The following MAN1A2 variants were observed in gnomAD, a reference collection of about 807,000 sequenced individuals.
MAN1A2 encodes mannosidase alpha class 1A member 2.
A neutral mutation model predicts 75.7 loss-of-function variants in MAN1A2; 26 were observed. The ratio of observed to expected loss-of-function variants is 0.34; its 90% CI spans 0.25 to 0.48. The LOEUF (loss-of-function observed/expected upper bound fraction) is 0.48. Among genes scored for constraint, MAN1A2 ranks in the 20% least tolerant of loss-of-function variants. The pLI is 0.99. For missense variants in MAN1A2, 562 were observed against 775.5 expected, an observed-to-expected ratio of 0.72 and a Z score of 3.27; for synonymous variants, 247 against 264.6, an observed-to-expected ratio of 0.93 and a Z score of 0.65.
At chr1:117,421,114 C>T (rs988321361) in intron 5 of MAN1A2, among the ~76,000 whole-genome samples, 1 of 151,992 alleles carries the variant, frequency 6.6e-6, no homozygotes, top group African/African-American at 2.4e-5. Context: ...AATCTTGGTA[C>T]AGAACACATG....
At position 117,440,805 on chromosome 1, in the gene MAN1A2, TAGTATTAA is replaced by T. The variant is rs1649006340; in HGVS notation, c.856-1425_856-1418del. On this transcript the variant is annotated intron_variant, in intron 5 of 12. Coordinates refer to ENST00000356554, the MANE Select transcript of MAN1A2 (RefSeq NM_006699.5). ...ACAAAATGTGTGATTAACAAAGATA[TAGTATTAA>T]TATTAGTTTCTAGATAAGAAAGTTG... Among the ~76,000 whole-genome samples, 3 of 152,170 alleles carry T rather than the reference TAGTATTAA, an allele frequency of 2.0e-5. No individual in the cohort carries two copies. In the East Asian group the frequency reaches 5.8e-4, roughly 29 times the overall value.
At chr1:117,482,751 C>T (rs1650540331) in intron 8 of MAN1A2, among the ~76,000 whole-genome samples, 1 of 152,048 alleles carries the variant, frequency 6.6e-6, no homozygotes, top group South Asian at 2.1e-4. Context: ...TTAATTAGAT[C>T]CCATTTGTCT....
intron 10 of MAN1A2, among the ~76,000 whole-genome samples, chr1:117,499,119 A>T (rs972392069): frequency 2.6e-5 from 4 of 151,944 alleles, no homozygotes; most frequent in African/African-American, 9.7e-5. Flanking sequence ...TCTTTTTGGT[A>T]GAATTAGATT....
chr1:117,489,774 A>G (rs768209169), intron 8 of MAN1A2, among the ~76,000 whole-genome samples: 1 of 152,002 alleles, frequency 6.6e-6, no homozygotes, highest in Non-Finnish European at 1.5e-5. Context: ...AATCATCCAC[A>G]AGTGTGTTTT....
In MAN1A2 at chr1:117,523,010, A is replaced by G; in HGVS notation, c.*53A>G. The G allele has an allele frequency of 3.1e-6, 5 of 1,600,776 alleles. No individual in the cohort carries two copies. Among genetic ancestry groups the G allele is most frequent in the African/African-American group, 1.3e-5 (1 of 74,626 alleles). On this transcript the variant is annotated 3_prime_UTR_variant, in exon 13 of 13. Transcript: ENST00000356554. ...CTGTGTTTTGTTTACATGGACCACT[A>G]CAGAAATTAGTTTGAAGGGGCGGCT...
At chr1:117,414,995 A>G (rs1253815636) in intron 4 of MAN1A2, among the ~76,000 whole-genome samples, 164 bp downstream of exon 4, 2 of 152,122 alleles carry the variant, frequency 1.3e-5, no homozygotes, top group African/African-American at 4.8e-5. Context: ...TGATTAGGTC[A>G]TGAGGGTTGA....
intron 12 of MAN1A2, among the ~76,000 whole-genome samples, chr1:117,504,561 T>G (rs1212004037): frequency 2.6e-5 from 4 of 151,324 alleles, no homozygotes; most frequent in Non-Finnish European, 5.9e-5. Context: ...TTCTCACACT[T>G]GCGAACCTTA....
intron 1 of MAN1A2, among the ~76,000 whole-genome samples, chr1:117,373,490 T>TG (rs1045777992): frequency 5.4e-5 from 8 of 148,916 alleles, no homozygotes; most frequent in African/African-American, 2.0e-4. Flanking sequence ...ATTTGTTTTT[T>TG]TTTTTTTTTT....
intron 11 of MAN1A2, among the ~76,000 whole-genome samples, chr1:117,502,027 A>C (rs1174440352): frequency 4.6e-5 from 7 of 151,778 alleles, no homozygotes; most frequent in Admixed American, 4.6e-4. Flanking sequence ...AATAGATTCC[A>C]TTTGATTCAG....
chr1:117,453,375 G>A (rs1649482976), intron 6 of MAN1A2, among the ~76,000 whole-genome samples: 1 of 152,196 alleles, frequency 6.6e-6, no homozygotes, highest in African/African-American at 2.4e-5. Flanking sequence ...TATTCTAGAT[G>A]CCATTAAGAA....
At chr1:117,483,445 G>A (rs980923053) in intron 8 of MAN1A2, among the ~76,000 whole-genome samples, 3 of 151,968 alleles carry the variant, frequency 2.0e-5, no homozygotes, top group Non-Finnish European at 4.4e-5. Context: ...CCCTTGAAGA[G>A]GTCCTTCACA....
chr1:117,407,974 G>T (rs545497494), intron 3 of MAN1A2, among the ~76,000 whole-genome samples: 9 of 152,286 alleles, frequency 5.9e-5, no homozygotes, highest in African/African-American at 2.2e-4. Context: ...TAGGTCTTGT[G>T]CCCATTGTTG....
chr1:117,481,868 T>C (rs1219571876), intron 8 of MAN1A2, among the ~76,000 whole-genome samples: 3 of 151,982 alleles, frequency 2.0e-5, no homozygotes, highest in African/African-American at 7.2e-5. Flanking sequence ...TGGAAATTTG[T>C]TTCATGTTCT....
At chr1:117,422,285 A>G (rs557684696) in intron 5 of MAN1A2, among the ~76,000 whole-genome samples, 14 of 152,128 alleles carry the variant, frequency 9.2e-5, no homozygotes, top group African/African-American at 3.4e-4. Flanking sequence ...TTTACTTAGC[A>G]TAATGCATTT....
intron 12 of MAN1A2, among the ~76,000 whole-genome samples, chr1:117,507,706 G>A (rs890406706): frequency 2.0e-5 from 3 of 151,640 alleles, no homozygotes; most frequent in African/African-American, 7.3e-5. Context: ...AGTCATGTAA[G>A]AAAGAAAAGC....
chr1:117,371,603 T>G (rs1013860011), intron 1 of MAN1A2, among the ~76,000 whole-genome samples: 2 of 152,128 alleles, frequency 1.3e-5, no homozygotes, highest in African/African-American at 4.8e-5. Context: ...ACACAACATG[T>G]GTGAGAGCCC....
intron 7 of MAN1A2, among the ~76,000 whole-genome samples, chr1:117,464,638 C>A (rs1366107115): frequency 6.6e-6 from 1 of 152,048 alleles, no homozygotes; most frequent in Non-Finnish European, 1.5e-5. Flanking sequence ...GTGAGTACTT[C>A]TTTGGACCTT....
rs779367010 is a variant in MAN1A2, at chr1:117,496,964, G to A, written c.1486G>A (p.Glu496Lys). ...GGCAGAAATTGCACGTACTTGTCAT[G>A]AGTCATATGACAGAACTGGTAAGAA... ...LGAEIARTCH[E>K]SYDRTALKLG... Residue 496 changes from glutamate to lysine, a missense_variant, in exon 10 of 13, where the codon GAG (glutamate) becomes AAG (lysine). Transcript: ENST00000356554. 2 of 1,610,154 alleles carry A rather than the reference G, an allele frequency of 1.2e-6. No individual in the cohort carries two copies. The highest frequency in any genetic ancestry group is 1.7e-6 in the Non-Finnish European group (2 of 1,177,264).
intron 8 of MAN1A2, among the ~76,000 whole-genome samples, chr1:117,474,883 T>C (rs1650268766): frequency 6.6e-6 from 1 of 151,978 alleles, no homozygotes; most frequent in Non-Finnish European, 1.5e-5. Context: ...AAACAACTAC[T>C]GATCTGCTTT....
Sources: allele counts gnomAD v4.1 joint callset (sites outside exome capture counted in the v4.1 genomes callset), GRCh38; gene constraint gnomAD v4.1.1; transcripts MANE v1.5; gene names NCBI Gene and HGNC (gene_info 2026-07-23, HGNC 2026-07-21).